Variants in PRR16 observed in about 807,000 individuals in gnomAD.
The protein encoded by PRR16 is proline rich 16.
A neutral mutation model predicts 18.2 loss-of-function variants in PRR16; 6 were observed. The ratio of observed to expected loss-of-function variants is 0.33; its 90% CI spans 0.18 to 0.65. The LOEUF (loss-of-function observed/expected upper bound fraction) is 0.65. PRR16 is among the 30% of genes least tolerant of loss of function. The pLI, the probability that PRR16 is intolerant of heterozygous loss-of-function variation, is 0.74. For synonymous variants in PRR16, 151 were observed against 147.8 expected (o/e 1.02, Z -0.16); for missense variants, 412 against 376.6 (o/e 1.09, Z -0.78).
chr5:120,696,692 A>G, the PRR16 span, among the ~76,000 whole-genome samples: 2 of 152,186 alleles, frequency 1.3e-5, no homozygotes, highest in Non-Finnish European at 2.9e-5. Context: ...TTGGTTCTGA[A>G]GAGGTAAGCA....
intron 1 of PRR16, among the ~76,000 whole-genome samples, chr5:120,654,158 C>T (rs1345970927): frequency 6.6e-6 from 1 of 151,970 alleles, no homozygotes; most frequent in Non-Finnish European, 1.5e-5. Flanking sequence ...TTTGCTGCCC[C>T]TTCTCCCTTT....
At chr5:120,707,294 G>A in the PRR16 span, among the ~76,000 whole-genome samples, 4 of 152,096 alleles carry the variant, frequency 2.6e-5, no homozygotes, top group Non-Finnish European at 5.9e-5. Context: ...GAGTAGAGAC[G>A]TGACCATAAT....
At position 120,595,243 on chromosome 5, in the gene PRR16, CA is replaced by C. The variant is rs549396030; in HGVS notation, c.160-90707del. ...TAAGAAACTTAACGAAATTTGCAAGCAAAATCAAACAATCTCATTAAAAAGT... is the reference window on the plus strand; with the variant it reads ...TAAGAAACTTAACGAAATTTGCAAGCAAATCAAACAATCTCATTAAAAAGT... On this transcript the variant is annotated intron_variant, in intron 1 of 1. Coordinates refer to ENST00000407149, the MANE Select transcript of PRR16 (RefSeq NM_001300783.2). 4.6e-5 allele frequency among the ~76,000 whole-genome samples: 7 copies of C among 151,724 alleles called. No homozygotes were observed. The South Asian group carries it at 1.2e-3, about 27-fold the overall frequency.
intron 1 of PRR16, among the ~76,000 whole-genome samples, chr5:120,522,089 G>C (rs1191221871): frequency 6.6e-6 from 1 of 152,152 alleles, no homozygotes; most frequent in South Asian, 2.1e-4. Flanking sequence ...CATTTGGGTT[G>C]GTTCCAAGTC....
At chr5:120,598,935 A>T (rs1051314961) in intron 1 of PRR16, among the ~76,000 whole-genome samples, 1 of 151,704 alleles carries the variant, frequency 6.6e-6, no homozygotes, top group African/African-American at 2.4e-5. Context: ...TCATCTTTTT[A>T]ATTAATCTTA....
chr5:120,535,383 C>G (rs2112673216), intron 1 of PRR16, among the ~76,000 whole-genome samples: 1 of 152,172 alleles, frequency 6.6e-6, no homozygotes, highest in African/African-American at 2.4e-5. Context: ...ATTGTTTTAT[C>G]AAAACATTGA....
At chr5:120,665,620 G>T (rs1354469195) in intron 1 of PRR16, among the ~76,000 whole-genome samples, 1 of 152,004 alleles carries the variant, frequency 6.6e-6, no homozygotes, top group Non-Finnish European at 1.5e-5. Context: ...AATCCATCTC[G>T]AATTAATTTT....
At chr5:120,599,040 T>G (rs1364984750) in intron 1 of PRR16, among the ~76,000 whole-genome samples, 2 of 151,942 alleles carry the variant, frequency 1.3e-5, no homozygotes, top group Non-Finnish European at 2.9e-5. Flanking sequence ...TCAAACTTGC[T>G]GTTCTTGTAA....
intron 1 of PRR16, among the ~76,000 whole-genome samples, chr5:120,523,885 A>G (rs1411643550): frequency 6.6e-6 from 1 of 152,182 alleles, no homozygotes; most frequent in East Asian, 1.9e-4. Flanking sequence ...GAAATAGATA[A>G]TTCAACCCAA....
In PRR16 at chr5:120,670,717, C is replaced by A. The variant is rs1257276905; in HGVS notation, c.160-15237C>A. On this transcript the variant is annotated intron_variant, in intron 1 of 1. Coordinates refer to ENST00000407149, the MANE Select transcript of PRR16 (RefSeq NM_001300783.2). ...CAAGGATAATGTCCCCATGTGCATT[C>A]ATGCTAAGCACACTCCCTTCATGGT... Among the ~76,000 whole-genome samples the A allele has an allele frequency of 2.0e-5, 3 of 152,096 alleles. No homozygotes were observed. The East Asian group carries it at 5.8e-4, about 29-fold the overall frequency.
rs1030551986 is a variant in PRR16, at chr5:120,464,494, C to T, written c.8C>T (p.Ala3Val). MS[A>V]KSKGNPSSSC... ...CTCGCTTGCCCCCAAAGAATGTCAG[C>T]CAAGTCCAAGGGGAACCCCTCCTCG... Residue 3 changes from alanine to valine, a missense_variant, in exon 1 of 2, where the codon GCC becomes GTC. Ala to Val is a moderately conservative substitution (Grantham distance 64). Coordinates refer to ENST00000407149, the MANE Select transcript of PRR16 (RefSeq NM_001300783.2). 5.7e-6 allele frequency: 9 copies of T among 1,588,386 alleles called. No individual in the cohort carries two copies. Among genetic ancestry groups the T allele is most frequent in the Non-Finnish European group, 6.8e-6 (8 of 1,175,456 alleles).
At chr5:120,542,883 A>T (rs1233864063) in intron 1 of PRR16, among the ~76,000 whole-genome samples, 1 of 152,156 alleles carries the variant, frequency 6.6e-6, no homozygotes, top group Non-Finnish European at 1.5e-5. Flanking sequence ...TTAAAGAATC[A>T]AGAATAGAAA....
chr5:120,702,097 AAGAGAGAGC>A, the PRR16 span, among the ~76,000 whole-genome samples: 1 of 151,910 alleles, frequency 6.6e-6, no homozygotes, highest in East Asian at 1.9e-4. Context: ...GCCTAGAGAA[AAGAGAGAGC>A]AGAGAAATGG....
chr5:120,555,845 T>A (rs997762018), intron 1 of PRR16, among the ~76,000 whole-genome samples: 17 of 131,566 alleles, frequency 1.3e-4, no homozygotes, highest in South Asian at 7.3e-4. Context: ...AAAAAAAAAA[T>A]TTCCCATAAG....
chr5:120,709,785 T>G, the PRR16 span, among the ~76,000 whole-genome samples: 1 of 152,166 alleles, frequency 6.6e-6, no homozygotes, highest in East Asian at 1.9e-4. Context: ...TAATCTCCAG[T>G]TTCACCCATG....
At chr5:120,699,035 A>G in the PRR16 span, among the ~76,000 whole-genome samples, 1 of 152,136 alleles carries the variant, frequency 6.6e-6, no homozygotes, top group South Asian at 2.1e-4. Flanking sequence ...TTATTCAGTG[A>G]AAGTGTCTAT....
At chr5:120,754,339 AAT>A in the PRR16 span, among the ~76,000 whole-genome samples, 62 of 66,532 alleles carry the variant, frequency 9.3e-4, 1 homozygote, top group South Asian at 2.8e-3. Flanking sequence ...GTTATATATA[AAT>A]ATATGTTATA....
At chr5:120,668,960 C>T (rs575133301) in intron 1 of PRR16, among the ~76,000 whole-genome samples, 16 of 152,052 alleles carry the variant, frequency 1.1e-4, no homozygotes, top group Non-Finnish European at 1.6e-4. Flanking sequence ...ATAAAGTGAC[C>T]GTCTGCAAAG....
intron 1 of PRR16, among the ~76,000 whole-genome samples, chr5:120,553,596 T>G (rs1752323418): frequency 6.6e-6 from 1 of 151,918 alleles, no homozygotes; most frequent in Non-Finnish European, 1.5e-5. Flanking sequence ...AAAGCCAAAC[T>G]CACAGCAATG....
Sources: allele counts gnomAD v4.1 joint callset (sites outside exome capture counted in the v4.1 genomes callset), GRCh38; gene constraint gnomAD v4.1.1; transcripts MANE v1.5; gene names NCBI Gene and HGNC (gene_info 2026-07-23, HGNC 2026-07-21).